Variants in TENM3 observed in about 807,000 individuals in gnomAD.
TENM3 encodes teneurin transmembrane protein 3.
TENM3 carries 63 observed loss-of-function variants against 255.1 expected under a neutral mutation model. That is an observed-to-expected ratio of 0.25 (90% confidence interval 0.20 to 0.30). The LOEUF is 0.30. Ranked by LOEUF, TENM3 falls within the 10% of genes least tolerant of loss-of-function variation. The pLI is 1.00. For synonymous variants in TENM3, 1,306 were observed against 1,322.3 expected (o/e 0.99, Z 0.27); for missense variants, 2,929 against 3,461.1 (o/e 0.85, Z 3.86).
intron 11 of TENM3, among the ~76,000 whole-genome samples, chr4:182,684,755 T>A (rs1301421929): frequency 6.6e-6 from 1 of 152,166 alleles, no homozygotes; most frequent in Non-Finnish European, 1.5e-5. Flanking sequence ...TCAGAGGAGC[T>A]TCCACATTAA....
intron 3 of TENM3, among the ~76,000 whole-genome samples, chr4:182,372,108 A>G (rs1404140131): frequency 2.0e-5 from 3 of 152,200 alleles, no homozygotes; most frequent in Admixed American, 2.0e-4. Flanking sequence ...TACATTGCAA[A>G]TATACTTCCA....
At chr4:181,971,162 C>CA in the TENM3 span, among the ~76,000 whole-genome samples, 1 of 152,104 alleles carries the variant, frequency 6.6e-6, no homozygotes, top group African/African-American at 2.4e-5. Context: ...AAGACCGTCA[C>CA]AAAATGAGCA....
intron 1 of TENM3, among the ~76,000 whole-genome samples, chr4:182,305,293 G>A (rs1203934511): frequency 6.6e-6 from 1 of 152,140 alleles, no homozygotes; most frequent in Admixed American, 6.6e-5. Flanking sequence ...GACAGCTTTT[G>A]TTTCTTTATC....
chr4:181,721,918 A>G, the TENM3 span, among the ~76,000 whole-genome samples: 1 of 152,132 alleles, frequency 6.6e-6, no homozygotes, highest in Non-Finnish European at 1.5e-5. Context: ...GTGCTGATGC[A>G]GTAGTGCCCG....
At chr4:181,769,823 T>C in the TENM3 span, among the ~76,000 whole-genome samples, 1 of 152,212 alleles carries the variant, frequency 6.6e-6, no homozygotes, top group Non-Finnish European at 1.5e-5. Flanking sequence ...GCATGTTTAA[T>C]CATTTACTAC....
the TENM3 span, among the ~76,000 whole-genome samples, chr4:181,709,228 C>T: frequency 6.6e-6 from 1 of 152,100 alleles, no homozygotes; most frequent in South Asian, 2.1e-4. Flanking sequence ...CTGTGTAGCA[C>T]GTATTGTTTT....
At chr4:182,658,980 T>C (rs1352193385) in intron 6 of TENM3, among the ~76,000 whole-genome samples, 1 of 152,178 alleles carries the variant, frequency 6.6e-6, no homozygotes, top group Non-Finnish European at 1.5e-5. Flanking sequence ...AACTACCAGC[T>C]TTGTATAACC....
At chr4:181,738,816 T>C in the TENM3 span, among the ~76,000 whole-genome samples, 1 of 152,080 alleles carries the variant, frequency 6.6e-6, no homozygotes, top group Admixed American at 6.6e-5. Flanking sequence ...GTGTTTTCCC[T>C]CCCTTAATTT....
the TENM3 span, among the ~76,000 whole-genome samples, chr4:181,540,424 C>T: frequency 6.6e-6 from 1 of 152,236 alleles, no homozygotes; most frequent in Non-Finnish European, 1.5e-5. Context: ...ACATGCCCCA[C>T]TCCTTAAGTG....
chr4:182,245,957 C>T (rs973118272), intron 1 of TENM3, among the ~76,000 whole-genome samples: 3 of 151,908 alleles, frequency 2.0e-5, no homozygotes, highest in Non-Finnish European at 2.9e-5. Context: ...TATTGGCGGG[C>T]GCTCCTGCTG....
chr4:182,562,089 T>C (rs1743259425), intron 3 of TENM3, among the ~76,000 whole-genome samples: 1 of 152,024 alleles, frequency 6.6e-6, no homozygotes, highest in Admixed American at 6.6e-5. Flanking sequence ...GATAAAGCAA[T>C]TTGTCAAACT....
At chr4:182,103,374 T>G in the TENM3 span, among the ~76,000 whole-genome samples, 2 of 152,388 alleles carry the variant, frequency 1.3e-5, no homozygotes, top group East Asian at 3.8e-4. Context: ...CTGTAAGATC[T>G]TAATAATTAA....
the TENM3 span, among the ~76,000 whole-genome samples, chr4:181,538,370 G>T: frequency 4.0e-4 from 61 of 152,188 alleles, no homozygotes; most frequent in African/African-American, 1.4e-3. Context: ...TTTATTAAGT[G>T]CCTCATAGGC....
intron 1 of TENM3, among the ~76,000 whole-genome samples, chr4:182,307,825 G>C (rs968712961): frequency 6.6e-6 from 1 of 152,194 alleles, no homozygotes; most frequent in Non-Finnish European, 1.5e-5. Flanking sequence ...GTTTTTAACA[G>C]TTGTCTAGAA....
At chr4:182,573,404 C>T (rs1744601387) in intron 3 of TENM3, among the ~76,000 whole-genome samples, 1 of 152,070 alleles carries the variant, frequency 6.6e-6, no homozygotes, top group Non-Finnish European at 1.5e-5. Context: ...TTCCTCAGAA[C>T]AAACATTAAA....
intron 3 of TENM3, among the ~76,000 whole-genome samples, chr4:182,583,478 TGAAAG>T (rs1477995080): frequency 1.3e-5 from 2 of 151,766 alleles, no homozygotes; most frequent in Non-Finnish European, 2.9e-5. Context: ...ATATTACAGA[TGAAAG>T]GAACCAAGAC....
the TENM3 span, among the ~76,000 whole-genome samples, chr4:181,746,366 T>C: frequency 0.013 from 2,026 of 152,088 alleles, 33 homozygotes; most frequent in African/African-American, 0.046. Context: ...CCCAGGATTT[T>C]GTCAGGAGTA....
chr4:181,495,545 T>C, the TENM3 span, among the ~76,000 whole-genome samples: 5 of 95,762 alleles, frequency 5.2e-5, no homozygotes, highest in African/African-American at 1.6e-4. Flanking sequence ...TTTGCAAACA[T>C]TTAGTATACA....
chr4:182,350,776 C>A (rs1765113956), intron 3 of TENM3, among the ~76,000 whole-genome samples: 1 of 152,166 alleles, frequency 6.6e-6, no homozygotes, highest in African/African-American at 2.4e-5. Flanking sequence ...CCTCTGCCTC[C>A]TGGGTTCAAG....
Sources: allele counts gnomAD v4.1 joint callset (sites outside exome capture counted in the v4.1 genomes callset), GRCh38; gene constraint gnomAD v4.1.1; transcripts MANE v1.5; gene names NCBI Gene and HGNC (gene_info 2026-07-23, HGNC 2026-07-21).